The following RPS6KA3 variants were observed in gnomAD, a reference collection of about 807,000 sequenced individuals.
RPS6KA3 encodes ribosomal protein S6 kinase alpha-3.
Under a neutral mutation model 67.2 loss-of-function variants are expected in RPS6KA3, and 4 were observed. That is an observed-to-expected ratio of 0.06 (90% CI 0.03 to 0.14). The LOEUF (loss-of-function observed/expected upper bound fraction) is 0.14, where lower values mean the gene tolerates loss of function less well. Ranked by LOEUF, RPS6KA3 falls within the 10% of genes least tolerant of loss-of-function variation. The pLI is 1.00. For synonymous variants in RPS6KA3, 182 were observed against 183.7 expected, an observed-to-expected ratio of 0.99 and a Z score of 0.07; for missense variants, 204 against 559.0, an observed-to-expected ratio of 0.36 and a Z score of 6.40.
At chrX:20,186,856 C>T (rs997839541) in intron 9 of RPS6KA3, among the ~76,000 whole-genome samples, 5 of 112,034 alleles carry the variant, frequency 4.5e-5, no homozygotes, top group Non-Finnish European at 5.6e-5. Context: ...TTTTTTGAGA[C>T]GGAGTCTTAC....
At chrX:20,170,276 T>C (rs763550656) in intron 15 of RPS6KA3, among the ~76,000 whole-genome samples, 2 of 112,265 alleles carry the variant, frequency 1.8e-5, no homozygotes, top group African/African-American at 3.2e-5. Flanking sequence ...AGGTGGCCTT[T>C]GTATGTTCAA....
At chrX:20,201,962 G>A (rs746934462) in intron 4 of RPS6KA3, among the ~76,000 whole-genome samples, 2 of 107,778 alleles carry the variant, frequency 1.9e-5, no homozygotes, top group Non-Finnish European at 3.8e-5. Context: ...CTTGCTCAGG[G>A]GTATTTCTTT....
In RPS6KA3 at chrX:20,153,825, T is replaced by C. The variant is rs2067142506; in HGVS notation, c.*1573A>G. ...TAGTAGAGACGGGGTTTCACCATGT[T>C]GGCCAGGCTGGTCTCAAACTCCTGA... On this transcript the variant is annotated 3_prime_UTR_variant, in exon 22 of 22. Coordinates refer to ENST00000379565, the MANE Select transcript of RPS6KA3 (RefSeq NM_004586.3). 2 of 111,524 alleles carry C rather than the reference T, an allele frequency of 1.8e-5. No individual in the cohort carries two copies. The highest frequency in any genetic ancestry group is 3.3e-5 in the African/African-American group (1 of 30,638). 9.2% of individuals were successfully genotyped at this position (111,524 alleles called of 1,213,427 possible). A position where few individuals can be genotyped will look rare whatever the true frequency, so the allele number is the denominator to read the frequency against.
chrX:20,265,034 C>A (rs1425873890), intron 1 of RPS6KA3, among the ~76,000 whole-genome samples: 1 of 111,848 alleles, frequency 8.9e-6, no homozygotes, highest in African/African-American at 3.3e-5. Context: ...AAATAAAGTT[C>A]TTGTGATTCT....
At chrX:20,249,537 C>T (rs758874479) in intron 1 of RPS6KA3, among the ~76,000 whole-genome samples, 1 of 111,847 alleles carries the variant, frequency 8.9e-6, no homozygotes, top group Admixed American at 9.5e-5. Context: ...TGTTTTTTCA[C>T]TTCCCTGATA....
intron 1 of RPS6KA3, among the ~76,000 whole-genome samples, chrX:20,248,411 C>T (rs765356618): frequency 5.4e-5 from 6 of 112,036 alleles, no homozygotes; most frequent in Non-Finnish European, 1.1e-4. Context: ...AGGACATACC[C>T]TTTTATTCCT....
intron 1 of RPS6KA3, among the ~76,000 whole-genome samples, chrX:20,246,122 GAAAAAAAAA>G: frequency 1.9e-5 from 1 of 52,846 alleles, no homozygotes; most frequent in African/African-American, 5.8e-5. Context: ...TCTCGGAAAA[GAAAAAAAAA>G]AAAAAAAAAA....
intron 1 of RPS6KA3, among the ~76,000 whole-genome samples, chrX:20,263,116 G>C (rs990528136): frequency 5.4e-5 from 6 of 111,682 alleles, no homozygotes; most frequent in African/African-American, 2.0e-4. Flanking sequence ...ACATTATATT[G>C]TGGCTATTTT....
At position 20,200,265 on chromosome X, in the gene RPS6KA3, T is replaced by C. The variant is rs187756743; in HGVS notation, c.325+3757A>G. 2.1e-3 allele frequency among the ~76,000 whole-genome samples: 230 copies of C among 111,928 alleles called. 2 individuals are homozygous for C. The highest frequency in any genetic ancestry group is 0.016 in the Admixed American group (166 of 10,582). On this transcript the variant is annotated intron_variant, in intron 4 of 21. Coordinates refer to ENST00000379565, the MANE Select transcript of RPS6KA3 (RefSeq NM_004586.3). ...TTAGTCTTCCATGTTAGAAAGGCAA[T>C]AGATTATGTCTCCAAATGAAAACAA...
chrX:20,244,714 G>A (rs1204291619), intron 1 of RPS6KA3, among the ~76,000 whole-genome samples: 2 of 112,349 alleles, frequency 1.8e-5, no homozygotes, highest in Admixed American at 9.4e-5. Flanking sequence ...TAGAGTTCAC[G>A]TACAAGCATC....
chrX:20,258,315 T>C (rs1159859951), intron 1 of RPS6KA3, among the ~76,000 whole-genome samples: 1 of 112,106 alleles, frequency 8.9e-6, no homozygotes, highest in Non-Finnish European at 1.9e-5. Flanking sequence ...TAAATCTTTA[T>C]TATTTTACAT....
intron 14 of RPS6KA3, 102 bp downstream of exon 14, chrX:20,175,062 A>G: frequency 1.2e-6 from 1 of 858,165 alleles, no homozygotes; most frequent in South Asian, 2.0e-5. Context: ...TCTAAAATGT[A>G]TTTTAAATTG....
intron 2 of RPS6KA3, among the ~76,000 whole-genome samples, chrX:20,221,394 A>C (rs2068983647): frequency 8.9e-6 from 1 of 112,001 alleles, no homozygotes; most frequent in South Asian, 3.7e-4. Flanking sequence ...ACTATTATAA[A>C]AATAATGGAT....
chrX:20,175,799 G>T (rs900075498), intron 13 of RPS6KA3, among the ~76,000 whole-genome samples: 2 of 111,610 alleles, frequency 1.8e-5, no homozygotes, highest in Admixed American at 1.9e-4. Flanking sequence ...GGTGGAACAG[G>T]GGAGATACAA....
chrX:20,246,314 T>C (rs1357382250), intron 1 of RPS6KA3, among the ~76,000 whole-genome samples: 1 of 109,943 alleles, frequency 9.1e-6, no homozygotes, highest in Non-Finnish European at 1.9e-5. Flanking sequence ...GTGGTACAGT[T>C]CAGTATGCCC....
chrX:20,241,082 T>C (rs958643634), intron 1 of RPS6KA3, among the ~76,000 whole-genome samples: 44 of 111,375 alleles, frequency 4.0e-4, no homozygotes, highest in Middle Eastern at 4.6e-3. Context: ...ACTATTCCTC[T>C]AGCTACTTAA....
intron 2 of RPS6KA3, among the ~76,000 whole-genome samples, chrX:20,222,445 T>C (rs2069008141): frequency 8.9e-6 from 1 of 111,802 alleles, no homozygotes; most frequent in African/African-American, 3.3e-5. Context: ...TCCTTTCTTA[T>C]CTAATTTCCT....
At chrX:20,255,613 C>T (rs2070021697) in intron 1 of RPS6KA3, among the ~76,000 whole-genome samples, 1 of 108,553 alleles carries the variant, frequency 9.2e-6, no homozygotes, top group African/African-American at 3.4e-5. Flanking sequence ...ATGGCAAAAC[C>T]CTGTCTCTAC....
chrX:20,240,087 C>T (rs1448863856), intron 1 of RPS6KA3, among the ~76,000 whole-genome samples: 3 of 109,220 alleles, frequency 2.7e-5, no homozygotes, highest in Non-Finnish European at 3.8e-5. Flanking sequence ...TGATAAAATG[C>T]TACCTTGAAC....
Sources: gnomAD v4.1 joint callset for allele counts (sites outside exome capture counted in the v4.1 genomes callset) on GRCh38, gnomAD v4.1.1 for gene constraint, MANE v1.5 for transcripts, NCBI Gene and HGNC (gene_info 2026-07-23, HGNC 2026-07-21) for gene names.